Variants in SULF1 observed in about 807,000 individuals in gnomAD.
SULF1 encodes the protein sulfatase 1.
A neutral mutation model predicts 110.5 loss-of-function variants in SULF1; 46 were observed. The ratio of observed to expected loss-of-function variants is 0.42; its 90% confidence interval spans 0.33 to 0.53. SULF1 has a LOEUF of 0.53. Among genes scored for constraint, SULF1 ranks in the 20% least tolerant of loss-of-function variants. SULF1 has a pLI of 0.12. For synonymous variants in SULF1, 371 were observed against 387.1 expected (o/e 0.96, Z 0.49); for missense variants, 941 against 1,094.2 (o/e 0.86, Z 1.98).
chr8:69,609,889 A>T (rs141763058), intron 13 of SULF1, among the ~76,000 whole-genome samples: 14 of 152,338 alleles, frequency 9.2e-5, no homozygotes, highest in Admixed American at 1.3e-4. Context: ...TCCTACGTGC[A>T]GACAAGCTTG....
intron 6 of SULF1, among the ~76,000 whole-genome samples, chr8:69,582,669 T>C (rs1806155868): frequency 1.4e-5 from 2 of 144,456 alleles, no homozygotes; most frequent in East Asian, 4.0e-4. Context: ...TCTCAATCAC[T>C]ATGCTTTTTG....
At chr8:69,636,397 G>A (rs774938313) in intron 19 of SULF1, among the ~76,000 whole-genome samples, 20 of 152,074 alleles carry the variant, frequency 1.3e-4, no homozygotes, top group Middle Eastern at 3.4e-3. Flanking sequence ...ATTAACTGGG[G>A]GTGGTGGCGG....
intron 1 of SULF1, chr8:69,473,303 A>T (rs989253413): frequency 7.2e-5 from 11 of 152,230 alleles, no homozygotes; most frequent in Non-Finnish European, 1.6e-4. Flanking sequence ...GGACTTGGAC[A>T]TGCTACTGTT....
intron 8 of SULF1, among the ~76,000 whole-genome samples, chr8:69,600,040 A>G (rs1807665791): frequency 6.6e-6 from 1 of 152,224 alleles, no homozygotes; most frequent in South Asian, 2.1e-4. Context: ...CTTGGTTATC[A>G]TTCCCACAAG....
intron 10 of SULF1, 115 bp from the exon 11 acceptor site, chr8:69,603,077 G>A (rs1807958916): frequency 6.9e-7 from 1 of 1,443,816 alleles, no homozygotes; most frequent in African/African-American, 1.4e-5. Flanking sequence ...TAGGAGACCA[G>A]ATGAGAGGGT....
intron 3 of SULF1, among the ~76,000 whole-genome samples, chr8:69,508,234 TA>T (rs1459253667): frequency 6.6e-6 from 1 of 152,124 alleles, no homozygotes; most frequent in Admixed American, 6.5e-5. Context: ...GCCTCCCGAA[TA>T]GCTGGGATTA....
At chr8:69,585,660 C>T (rs907800900) in intron 6 of SULF1, among the ~76,000 whole-genome samples, 1 of 152,166 alleles carries the variant, frequency 6.6e-6, no homozygotes, top group Admixed American at 6.5e-5. Flanking sequence ...GACACATACA[C>T]TTCTACTATA....
chr8:69,576,668 C>G (rs1251721644), intron 6 of SULF1, among the ~76,000 whole-genome samples: 1 of 152,126 alleles, frequency 6.6e-6, no homozygotes, highest in African/African-American at 2.4e-5. Context: ...AACATCATGC[C>G]AGTCTTTCTG....
chr8:69,591,610 TAATTAAA>T (rs1157558145), intron 8 of SULF1, among the ~76,000 whole-genome samples: 5 of 151,848 alleles, frequency 3.3e-5, no homozygotes, highest in Non-Finnish European at 5.9e-5. Context: ...CTGATTCCAG[TAATTAAA>T]AATTCTATTT....
intron 3 of SULF1, among the ~76,000 whole-genome samples, chr8:69,535,497 A>AT (rs1563507394): frequency 6.6e-6 from 1 of 151,136 alleles, no homozygotes; most frequent in African/African-American, 2.4e-5. Flanking sequence ...AAGAGGAAAA[A>AT]TTATTTCCTC....
At chr8:69,654,370 C>T (rs1370959225) in intron 22 of SULF1, among the ~76,000 whole-genome samples, 5 of 152,132 alleles carry the variant, frequency 3.3e-5, no homozygotes, top group Admixed American at 1.3e-4. Flanking sequence ...CTAGCAAGTA[C>T]CTCTTGCTCA....
At chr8:69,490,636 A>C (rs563819375), upstream of SULF1, among the ~76,000 whole-genome samples, 6 of 152,236 alleles carry the variant, frequency 3.9e-5, no homozygotes, top group Admixed American at 3.3e-4. Flanking sequence ...GCTTGTTGGA[A>C]CCCAGTTTGA....
intron 6 of SULF1, among the ~76,000 whole-genome samples, chr8:69,579,793 A>G (rs1029956669): frequency 6.6e-6 from 1 of 152,210 alleles, no homozygotes; most frequent in Non-Finnish European, 1.5e-5. Context: ...GTAGGTAGAT[A>G]TTAAACCAAT....
At chr8:69,543,953 TCAA>T (rs1814044973) in intron 3 of SULF1, among the ~76,000 whole-genome samples, 1 of 152,208 alleles carries the variant, frequency 6.6e-6, no homozygotes, top group Non-Finnish European at 1.5e-5. Context: ...CTGTATATAA[TCAA>T]TGTCAGTATT....
intron 17 of SULF1, 98 bp from the exon 18 acceptor site, chr8:69,628,073 T>C: frequency 2.8e-6 from 3 of 1,056,968 alleles, no homozygotes; most frequent in South Asian, 2.8e-5. Flanking sequence ...ACAACATCAC[T>C]GCCTTCCTTC....
intron 3 of SULF1, among the ~76,000 whole-genome samples, chr8:69,512,070 G>A (rs1296596854): frequency 1.3e-5 from 2 of 152,130 alleles, no homozygotes; most frequent in South Asian, 2.1e-4. Flanking sequence ...ACAGCATAGA[G>A]CACTAATTCT....
chr8:69,559,576 G>T (rs559449778), intron 3 of SULF1, among the ~76,000 whole-genome samples: 2 of 152,314 alleles, frequency 1.3e-5, no homozygotes, highest in Non-Finnish European at 2.9e-5. Context: ...CCCTTGAAAT[G>T]ATAGGCTCAT....
At chr8:69,608,794 AACATGG>A (rs1158858247) in intron 13 of SULF1, among the ~76,000 whole-genome samples, 1 of 152,216 alleles carries the variant, frequency 6.6e-6, no homozygotes, top group African/African-American at 2.4e-5. Flanking sequence ...TAATTAAGAC[AACATGG>A]ACATATGTGT....
Position 69,621,399 on chromosome 8 carries a change from T to C in SULF1, c.1594+148T>C, listed in dbSNP as rs144359045. 1.9e-5 allele frequency: 10 copies of C among 536,416 alleles called. No individual in the cohort carries two copies. In the East Asian group the frequency reaches 2.6e-4, roughly 14 times the overall value. The allele number at this position is 536,416 out of a possible 1,614,324, so 33.2% of individuals were successfully genotyped here. On this transcript the variant is annotated intron_variant, in intron 14 of 22. Coordinates refer to ENST00000402687, the MANE Select transcript of SULF1 (RefSeq NM_001128205.2). ...AAGCACATCATTGCTCTATTTAAAA[T>C]AAGAAAGCTAAGACTAATGTGACAT...
Sources: allele counts gnomAD v4.1 joint callset (sites outside exome capture counted in the v4.1 genomes callset), GRCh38; gene constraint gnomAD v4.1.1; transcripts MANE v1.5; gene names NCBI Gene and HGNC (gene_info 2026-07-23, HGNC 2026-07-21).